ASTN2: variants seen among roughly 807,000 people sequenced by gnomAD.
ASTN2 encodes astrotactin 2, also known as astrotactin-2.
ASTN2 carries 54 observed loss-of-function variants against 139.8 expected under a neutral mutation model. The ratio of observed to expected loss-of-function variants is 0.39; its 90% CI spans 0.31 to 0.48. The LOEUF (loss-of-function observed/expected upper bound fraction) is 0.48, where lower values mean the gene tolerates loss of function less well. Among genes scored for constraint, ASTN2 ranks in the 20% least tolerant of loss-of-function variants. The pLI, the probability that ASTN2 is intolerant of heterozygous loss-of-function variation, is 0.95. For synonymous variants in ASTN2, 756 were observed against 719.5 expected, an observed-to-expected ratio of 1.05 and a Z score of -0.81; for missense variants, 1,565 against 1,725.1, an observed-to-expected ratio of 0.91 and a Z score of 1.64.
chr9:116,812,933 G>A (rs897008845), intron 12 of ASTN2, among the ~76,000 whole-genome samples: 2 of 152,168 alleles, frequency 1.3e-5, no homozygotes, highest in African/African-American at 4.8e-5. Flanking sequence ...GATCCCCTGA[G>A]TTTTGAAACA....
At chr9:117,057,649 A>G (rs775669722) in intron 5 of ASTN2, among the ~76,000 whole-genome samples, 3 of 152,224 alleles carry the variant, frequency 2.0e-5, no homozygotes, top group Non-Finnish European at 4.4e-5. Flanking sequence ...GAGTAGAAGT[A>G]ACAGCAGCCC....
At chr9:116,607,842 T>A (rs895516058) in intron 19 of ASTN2, among the ~76,000 whole-genome samples, 1 of 152,086 alleles carries the variant, frequency 6.6e-6, no homozygotes, top group African/African-American at 2.4e-5. Flanking sequence ...GCACCTGTAG[T>A]CCCAGCTACT....
chr9:116,567,322 G>C (rs1278632571), intron 19 of ASTN2, among the ~76,000 whole-genome samples: 1 of 152,184 alleles, frequency 6.6e-6, no homozygotes, highest in Non-Finnish European at 1.5e-5. Flanking sequence ...CCTCTGTGAG[G>C]CTGCAAGCCT....
At chr9:116,718,974 A>AT (rs1564230166) in intron 16 of ASTN2, among the ~76,000 whole-genome samples, 1 of 88,102 alleles carries the variant, frequency 1.1e-5, no homozygotes, top group Non-Finnish European at 2.1e-5. Context: ...CTGTATCTGT[A>AT]CATATATATA....
At chr9:116,667,940 T>G (rs1019862459) in intron 16 of ASTN2, among the ~76,000 whole-genome samples, 3 of 151,704 alleles carry the variant, frequency 2.0e-5, no homozygotes, top group Non-Finnish European at 4.4e-5. Flanking sequence ...GTCCAAAATT[T>G]ATCATAGTAA....
chr9:117,344,249 A>G (rs1422009656), intron 1 of ASTN2, among the ~76,000 whole-genome samples: 3 of 152,206 alleles, frequency 2.0e-5, no homozygotes, highest in African/African-American at 7.2e-5. Context: ...ACCATGGCAC[A>G]GTGAATAAGA....
chr9:116,616,049 C>T (rs558168342), intron 19 of ASTN2, among the ~76,000 whole-genome samples: 8 of 151,996 alleles, frequency 5.3e-5, no homozygotes, highest in Non-Finnish European at 1.2e-4. Flanking sequence ...TACTAAAATT[C>T]CTAGCTAGAA....
intron 10 of ASTN2, among the ~76,000 whole-genome samples, chr9:116,947,984 T>C (rs114825822): frequency 6.6e-6 from 1 of 152,380 alleles, no homozygotes; most frequent in African/African-American, 2.4e-5. Context: ...TTTCATAATC[T>C]TGAAGCTTTT....
At chr9:117,210,540 G>A (rs1476771791) in intron 3 of ASTN2, among the ~76,000 whole-genome samples, 1 of 152,090 alleles carries the variant, frequency 6.6e-6, no homozygotes, top group Non-Finnish European at 1.5e-5. Flanking sequence ...ACCAAAACAA[G>A]TAATGAGACT....
At chr9:116,502,357 G>C (rs1188891052) in intron 19 of ASTN2, among the ~76,000 whole-genome samples, 1 of 151,412 alleles carries the variant, frequency 6.6e-6, no homozygotes, top group Non-Finnish European at 1.5e-5. Flanking sequence ...TAGAGAAAGA[G>C]ACCAAGAGAG....
chr9:117,019,595 T>A (rs1740163495), intron 6 of ASTN2, among the ~76,000 whole-genome samples: 1 of 152,020 alleles, frequency 6.6e-6, no homozygotes, highest in African/African-American at 2.4e-5. Flanking sequence ...AAAAATAAGG[T>A]TTTTATTCGA....
At chr9:117,113,895 GAA>G (rs1401377684) in intron 4 of ASTN2, among the ~76,000 whole-genome samples, 1 of 152,092 alleles carries the variant, frequency 6.6e-6, no homozygotes, top group East Asian at 1.9e-4. Flanking sequence ...AGGTCGTCAG[GAA>G]TCTTTTGGGG....
intron 7 of ASTN2, among the ~76,000 whole-genome samples, chr9:116,982,325 C>T (rs1836534055): frequency 6.6e-6 from 1 of 152,204 alleles, no homozygotes; most frequent in African/African-American, 2.4e-5. Flanking sequence ...GGATCAAGTG[C>T]TGTACTTGAA....
chr9:116,983,585 G>A (rs963889120), intron 7 of ASTN2, among the ~76,000 whole-genome samples: 4 of 152,214 alleles, frequency 2.6e-5, no homozygotes, highest in Non-Finnish European at 4.4e-5. Flanking sequence ...GTGAGACACT[G>A]AGGGTCATTT....
At chr9:116,545,491 G>A (rs767563620) in intron 19 of ASTN2, among the ~76,000 whole-genome samples, 1 of 152,078 alleles carries the variant, frequency 6.6e-6, no homozygotes, top group African/African-American at 2.4e-5. Flanking sequence ...CAGGGAAACC[G>A]ACGAGATTGG....
At chr9:116,733,267 C>T in intron 14 of ASTN2, 132 bp downstream of exon 14, 1 of 1,293,196 alleles carries the variant, frequency 7.7e-7, no homozygotes, top group Non-Finnish European at 1.1e-6. Flanking sequence ...AAGTTCCTTC[C>T]CATACCCTTC....
At chr9:116,869,645 T>C (rs1260767568) in intron 10 of ASTN2, among the ~76,000 whole-genome samples, 1 of 152,146 alleles carries the variant, frequency 6.6e-6, no homozygotes, top group African/African-American at 2.4e-5. Context: ...TTTCAACCAC[T>C]CTACAGAACA....
chr9:116,854,747 G>T (rs892604621), intron 11 of ASTN2, among the ~76,000 whole-genome samples: 2 of 151,468 alleles, frequency 1.3e-5, no homozygotes, highest in Non-Finnish European at 2.9e-5. Flanking sequence ...CGCCTCCCGG[G>T]TTCACGCCAT....
intron 13 of ASTN2, among the ~76,000 whole-genome samples, chr9:116,796,046 A>G (rs947124432): frequency 6.6e-6 from 1 of 152,200 alleles, no homozygotes; most frequent in Non-Finnish European, 1.5e-5. Flanking sequence ...AGCTTTGCTT[A>G]CAGCTCCTCC....
Sources: allele counts gnomAD v4.1 joint callset (sites outside exome capture counted in the v4.1 genomes callset), GRCh38; gene constraint gnomAD v4.1.1; transcripts MANE v1.5; gene names NCBI Gene and HGNC (gene_info 2026-07-23, HGNC 2026-07-21).